Variants in LMNTD2 observed in about 807,000 individuals in gnomAD.
The protein encoded by LMNTD2 is lamin tail domain containing 2.
Under a neutral mutation model 70.1 loss-of-function variants are expected in LMNTD2, and 83 were observed. That is an observed-to-expected ratio of 1.18 (90% CI 0.99 to 1.42). LMNTD2 has a LOEUF of 1.42. LMNTD2 is among the 40% of genes most tolerant of loss of function. LMNTD2 has a pLI of 0.00. For synonymous variants in LMNTD2, 534 were observed against 406.1 expected, an observed-to-expected ratio of 1.31 and a Z score of -3.79; for missense variants, 1,153 against 905.9, an observed-to-expected ratio of 1.27 and a Z score of -3.50.
At chr11:557,514 T>C (rs1564817217) in intron 6 of LMNTD2, 27 bp from the exon 7 acceptor site, 4 of 1,613,240 alleles carry the variant, frequency 2.5e-6, no homozygotes, top group Non-Finnish European at 3.4e-6. Flanking sequence ...AGGCACATGG[T>C]CCTCCCCTCC....
At chr11:555,219 G>GAGCGGAGGGGCGGGGAGGA (rs1852755960) in intron 13 of LMNTD2, 86 bp downstream of exon 13, 6 of 721,004 alleles carry the variant, frequency 8.3e-6, no homozygotes, top group Admixed American at 9.3e-5. Context: ...GAGGGGACGA[G>GAGCGGAGGGGCGGGGAGGA]GAGACAGAGG....
In LMNTD2 at chr11:555,233, G is replaced by A. The variant is rs1177009216; in HGVS notation, c.1773+72C>T. 9 of 1,139,964 alleles carry A rather than the reference G, an allele frequency of 7.9e-6. No homozygotes were observed. The African/African-American group carries it at 8.7e-5, about 11-fold the overall frequency. 70.6% of individuals were successfully genotyped at this position (1,139,964 alleles called of 1,614,324 possible). A position where few individuals can be genotyped will look rare whatever the true frequency, so the allele number is the denominator to read the frequency against. On this transcript the variant is annotated intron_variant, in intron 13 of 13. Transcript: ENST00000329451. Reference sequence around the variant, plus strand: ...GGAGGGGACGAGGAGACAGAGGGGAGGGAGGGGCGGGAGAGGAGAGGAGGA... The same window carrying A: ...GGAGGGGACGAGGAGACAGAGGGGAAGGAGGGGCGGGAGAGGAGAGGAGGA...
At chr11:556,639 C>T (rs1852897142) in intron 8 of LMNTD2, 51 bp from the exon 9 acceptor site, 4 of 1,444,284 alleles carry the variant, frequency 2.8e-6, no homozygotes, top group East Asian at 2.5e-5. Flanking sequence ...GAGTCCCCAC[C>T]GGATGTTCCC....
At chr11:560,255 G>C (rs56909747) in intron 1 of LMNTD2, 42,979 of 987,170 alleles carry the variant, frequency 0.044, 1,166 homozygotes, top group African/African-American at 0.12. Context: ...GCGAGGCTGC[G>C]GGGCCCTGGG....
Position 558,933 on chromosome 11 carries a change from A to G in LMNTD2, c.81T>C (p.Pro27=). 6.2e-7 allele frequency: 1 copy of G among 1,607,246 alleles called. No individual in the cohort carries two copies. The highest frequency in any genetic ancestry group is 8.5e-7 in the Non-Finnish European group (1 of 1,179,726). The change falls in exon 2 of 14, where the codon CCT becomes CCC. Residue 27 remains proline, a synonymous_variant. Coordinates refer to ENST00000329451, the MANE Select transcript of LMNTD2 (RefSeq NM_173573.3). ...SGHLGPPAGA[P]AAPETPTCLP... ...GGCACGTGGGAGTCTCGGGGGCTGC[A>G]GGTGCGCCTGCTGGAGGTCCCAGGT...
rs1483153317 is a variant in LMNTD2, at chr11:554,864, A to T, written c.*116T>A. On this transcript the variant is annotated 3_prime_UTR_variant, in exon 14 of 14. Transcript: ENST00000329451. ...ATTTCCAGCTCTCAGGTGTACAGAAATGCGGTTTACTTTGTAGGCCACGTT... is the reference window on the plus strand; with the variant it reads ...ATTTCCAGCTCTCAGGTGTACAGAATTGCGGTTTACTTTGTAGGCCACGTT... 1.4e-6 allele frequency: 1 copy of T among 718,672 alleles called. No individual in the cohort carries two copies. The highest frequency in any genetic ancestry group is 1.9e-5 in the African/African-American group (1 of 52,476). The allele number at this position is 718,672 out of a possible 1,614,324, so 44.5% of individuals were successfully genotyped here. A position where few individuals can be genotyped will look rare whatever the true frequency, so the allele number is the denominator to read the frequency against.
At position 557,409 on chromosome 11, in the gene LMNTD2, A is replaced by G. The variant is rs1564816981; in HGVS notation, c.703T>C (p.Ser235Pro). Residue 235 changes from serine (S) to proline (P), a missense_variant, in exon 7 of 14, where the codon TCA (serine) becomes CCA (proline). Transcript: ENST00000329451. ...PNLFTNMEPS[S>P]KQKQPRPWPQ... ...GCTCTGTGCAGTTACTTTTGCTTTG[A>G]GCTGGGCTCCATGTTGGTGAAGAGG... 1 of 1,604,268 alleles carries G rather than the reference A, an allele frequency of 6.2e-7. No individual in the cohort carries two copies. The highest frequency in any genetic ancestry group is 8.5e-7 in the Non-Finnish European group (1 of 1,175,172).
Position 555,994 on chromosome 11 carries a change from ACCTCG to A in LMNTD2, c.1374_1377+1del, listed in dbSNP as rs750285855. The A allele has an allele frequency of 2.6e-6, 4 of 1,557,992 alleles. No homozygotes were observed. The highest frequency in any genetic ancestry group is 2.2e-4 in the Middle Eastern group (1 of 4,492). On this transcript the variant is annotated splice_donor_variant and coding_sequence_variant, in exon 11 of 14. Transcript: ENST00000329451. LOFTEE classifies it high-confidence loss of function. Reference sequence around the variant, plus strand: ...GCCGCCCCACCGGGGACCCGCACCGACCTCGCCCTTGGGGCTCAGGAGCAGCGTCG... The same window carrying A: ...GCCGCCCCACCGGGGACCCGCACCGACCCTTGGGGCTCAGGAGCAGCGTCG...
chr11:560,679 C>CT lies in LMNTD2; in HGVS notation c.34+3dup, dbSNP rs1491091077. 2 of 1,436,684 alleles carry CT rather than the reference C, an allele frequency of 1.4e-6. No homozygotes were observed. Among genetic ancestry groups the CT allele is most frequent in the Non-Finnish European group, 1.8e-6 (2 of 1,086,158 alleles). The allele number at this position is 1,436,684 out of a possible 1,614,324, so 89.0% of individuals were successfully genotyped here. A position where few individuals can be genotyped will look rare whatever the true frequency, so the allele number is the denominator to read the frequency against. ...TCGGCCCAGGAGCGGGGCCAGACAC[C>CT]TACCCCGACGCCTGCCCGCGGGCCG... On this transcript the variant is annotated splice_donor_region_variant and intron_variant, in intron 1 of 13. Coordinates refer to ENST00000329451, the MANE Select transcript of LMNTD2 (RefSeq NM_173573.3).
rs1337537396 is a variant in LMNTD2, at chr11:555,828, C to G, written c.1480G>C (p.Gly494Arg). ...SIDRFPLPEA[G>R]PGADTRKPPR... ...GGCTTGCGGGTGTCGGCGCCGGGCCCGGCCTCAGGGAGCGGGAAGCGGTCG... is the reference window on the plus strand; with the variant it reads ...GGCTTGCGGGTGTCGGCGCCGGGCCGGGCCTCAGGGAGCGGGAAGCGGTCG... The change falls in exon 12 of 14, where the codon GGG becomes CGG. Residue 494 changes from glycine (G) to arginine (R), a missense_variant. Transcript: ENST00000329451. 5 of 1,543,788 alleles carry G rather than the reference C, an allele frequency of 3.2e-6. No individual in the cohort carries two copies. The highest frequency in any genetic ancestry group is 2.9e-5 in the African/African-American group (2 of 69,574).
intron 3 of LMNTD2, 170 bp downstream of exon 3, chr11:558,444 G>A (rs1329021448): frequency 1.0e-5 from 11 of 1,080,010 alleles, no homozygotes; most frequent in South Asian, 3.2e-5. Context: ...CATGCGCAGG[G>A]TTAGGGTGGA....
Position 558,569 on chromosome 11 carries a change from G to A in LMNTD2, c.311+45C>T, listed in dbSNP as rs543573752. 8.3e-5 allele frequency: 130 copies of A among 1,563,006 alleles called. 1 individual carries two copies. The highest frequency in any genetic ancestry group is 7.0e-4 in the Middle Eastern group (3 of 4,256). On this transcript the variant is annotated intron_variant, in intron 3 of 13. Transcript: ENST00000329451. ...TCAGACAGAAACCAGGAGTCCGGGCGAGGACAGGGCGGGGTTGGGTTGGGC... is the reference window on the plus strand; with the variant it reads ...TCAGACAGAAACCAGGAGTCCGGGCAAGGACAGGGCGGGGTTGGGTTGGGC...
chr11:560,723 GT>G lies in LMNTD2; in HGVS notation c.-8del. On this transcript the variant is annotated 5_prime_UTR_variant, in exon 1 of 14. Coordinates refer to ENST00000329451, the MANE Select transcript of LMNTD2 (RefSeq NM_173573.3). ...CGGGCCGCAGCCACCGCATTTCCGC[GT>G]TTTTCGCGGTAGGCGGGAGGTGGGG... is the stretch of plus-strand genomic sequence containing the variant. 6 of 1,430,182 alleles carry G rather than the reference GT, an allele frequency of 4.2e-6. No homozygotes were observed. Among genetic ancestry groups the G allele is most frequent in the Admixed American group, 2.6e-5 (1 of 37,876 alleles). The allele number at this position is 1,430,182 out of a possible 1,614,324, so 88.6% of individuals were successfully genotyped here. A position where few individuals can be genotyped will look rare whatever the true frequency, so the allele number is the denominator to read the frequency against.
intron 4 of LMNTD2, 61 bp from the exon 5 acceptor site, chr11:558,100 C>G (rs954310037): frequency 1.2e-6 from 2 of 1,602,790 alleles, no homozygotes; most frequent in Non-Finnish European, 1.7e-6. Flanking sequence ...GGCCCCCAGG[C>G]CAGCCCCAGC....
rs1852790940 is a variant in LMNTD2 at position 555,518 on chromosome 11, G to A, written c.1575-15C>T. ...GGCCCCGCGTCCTGGTGGGGCGAGG[G>A]TCGTGAGGGCGGCGGCCGGCCCGGG... On this transcript the variant is annotated splice_polypyrimidine_tract_variant and intron_variant, in intron 12 of 13. Transcript: ENST00000329451. The A allele has an allele frequency of 3.7e-6, 5 of 1,357,048 alleles. No homozygotes were observed. In the East Asian group the frequency reaches 1.2e-4, roughly 32 times the overall value. 84.1% of individuals were successfully genotyped at this position (1,357,048 alleles called of 1,614,324 possible). A position where few individuals can be genotyped will look rare whatever the true frequency, so the allele number is the denominator to read the frequency against.
At position 557,599 on chromosome 11, in the gene LMNTD2, A is replaced by G. The variant is rs1852982503; in HGVS notation, c.597T>C (p.Ser199=). Residue 199 remains serine (S), a synonymous_variant, in exon 6 of 14, where the codon TCT becomes TCC. Transcript: ENST00000329451. ...CCCCGGTGGGGGCCTGAATGTTTTC[A>G]GAGAGGTCGCTTGGGTCCATCAGAG... ...AETLMDPSDL[S]ENIQAPTGEG... is the part of the protein sequence containing the mutation. 6.2e-7 allele frequency: 1 copy of G among 1,613,190 alleles called. No homozygotes were observed. The highest frequency in any genetic ancestry group is 1.3e-5 in the African/African-American group (1 of 74,922).
chr11:555,899 T>C lies in LMNTD2; in HGVS notation c.1409A>G (p.Glu470Gly), dbSNP rs1298984268. The stretch of plus-strand genomic sequence containing the variant: ...GGCGAAGACCCTCGGGGCCGGAGTC[T>C]CGCGGCGTGGGATCCGGTGCTCACT... Reference protein sequence around the residue: ...VLSEHRIPRRETPAPRVFADG... With the variant: ...VLSEHRIPRRGTPAPRVFADG... Residue 470 changes from glutamate to glycine, a missense_variant, in exon 12 of 14, where the codon GAG (glutamate) becomes GGG (glycine). Coordinates refer to ENST00000329451, the MANE Select transcript of LMNTD2 (RefSeq NM_173573.3). 8 of 1,564,998 alleles carry C rather than the reference T, an allele frequency of 5.1e-6. No individual in the cohort carries two copies. The highest frequency in any genetic ancestry group is 4.6e-5 in the South Asian group (4 of 86,572).
Position 555,760 on chromosome 11 carries a change from C to T in LMNTD2, c.1548G>A (p.Glu516=), listed in dbSNP as rs746012179. 2 of 1,438,912 alleles carry T rather than the reference C, an allele frequency of 1.4e-6. No individual in the cohort carries two copies. The highest frequency in any genetic ancestry group is 1.5e-5 in the South Asian group (1 of 68,782). 89.1% of individuals were successfully genotyped at this position (1,438,912 alleles called of 1,614,324 possible). Reference sequence around the variant, plus strand: ...CTGGTCTCCGGCGACTGACCCGGGGCTCCCGCACCCGGCCTTTGCGCAGGG... The same window carrying T: ...CTGGTCTCCGGCGACTGACCCGGGGTTCCCGCACCCGGCCTTTGCGCAGGG... ...PRPLRKGRVR[E]PRVSRRRPGT... Residue 516 remains glutamate (E), a synonymous_variant, in exon 12 of 14, where the codon GAG becomes GAA. Coordinates refer to ENST00000329451, the MANE Select transcript of LMNTD2 (RefSeq NM_173573.3).
chr11:557,173 G>A (rs531119609), intron 7 of LMNTD2, 76 bp from the exon 8 acceptor site: 708 of 1,486,910 alleles, frequency 4.8e-4, no homozygotes, highest in Non-Finnish European at 6.1e-4. Flanking sequence ...TCACAAGGCA[G>A]TGCAGCAGGG....
Sources: gnomAD v4.1 joint callset for allele counts on GRCh38, gnomAD v4.1.1 for gene constraint, MANE v1.5 for transcripts, NCBI Gene and HGNC (gene_info 2026-07-23, HGNC 2026-07-21) for gene names.